FCER1A: variants seen among roughly 807,000 people sequenced by gnomAD.
FCER1A encodes high affinity immunoglobulin epsilon receptor subunit alpha.
In FCER1A, 24 loss-of-function variants were observed where a neutral mutation model predicts 23.6. The ratio of observed to expected loss-of-function variants is 1.02; its 90% CI spans 0.74 to 1.43. The LOEUF is 1.43. FCER1A is among the 40% of genes most tolerant of loss of function. The pLI is 0.00. For synonymous variants in FCER1A, 121 were observed against 108.8 expected, an observed-to-expected ratio of 1.11 and a Z score of -0.70; for missense variants, 318 against 294.5, an observed-to-expected ratio of 1.08 and a Z score of -0.58.
At chr1:159,295,130 A>G (rs1229431662) in intron 1 of FCER1A, among the ~76,000 whole-genome samples, 1 of 152,176 alleles carries the variant, frequency 6.6e-6, no homozygotes, top group Non-Finnish European at 1.5e-5. Flanking sequence ...ATAGACTTCT[A>G]ATTAACTCTT....
At chr1:159,303,410 T>C (rs1652497163) in intron 2 of FCER1A, among the ~76,000 whole-genome samples, 1 of 152,158 alleles carries the variant, frequency 6.6e-6, no homozygotes, top group East Asian at 1.9e-4. Flanking sequence ...CACTACTTTC[T>C]GGAACTGACA....
chr1:159,305,426 G>A (rs1409950332), intron 3 of FCER1A, among the ~76,000 whole-genome samples: 2 of 152,088 alleles, frequency 1.3e-5, no homozygotes, highest in Non-Finnish European at 1.5e-5. Context: ...TACTGTGTTG[G>A]GCATTCAGAA....
chr1:159,304,209 G>T (rs765357176), intron 3 of FCER1A, 27 bp downstream of exon 3: 5 of 1,604,250 alleles, frequency 3.1e-6, no homozygotes, highest in Non-Finnish European at 4.3e-6. Flanking sequence ...TGGAAATACA[G>T]ATCTCTCATG....
chr1:159,303,578 C>G (rs1369703472), intron 2 of FCER1A, among the ~76,000 whole-genome samples: 2 of 152,204 alleles, frequency 1.3e-5, no homozygotes, highest in Non-Finnish European at 2.9e-5. Flanking sequence ...TTGAACATGG[C>G]AGACAGTGTT....
intron 1 of FCER1A, among the ~76,000 whole-genome samples, chr1:159,291,546 G>T (rs1652153681): frequency 6.6e-6 from 1 of 152,148 alleles, no homozygotes; most frequent in Admixed American, 6.6e-5. Context: ...GTTCAAGAAA[G>T]ATTTAAATTG....
chr1:159,307,993 C>A lies in FCER1A; in HGVS notation c.*61C>A. ...TTTTCCAGCATCAGCAATTGCTACT[C>A]AATTGTCAAACACAGCTTGCAATAT... On this transcript the variant is annotated 3_prime_UTR_variant, in exon 5 of 5. Transcript: ENST00000693622. The A allele has an allele frequency of 2.4e-6, 3 of 1,264,306 alleles. No individual in the cohort carries two copies. Among genetic ancestry groups the A allele is most frequent in the South Asian group, 1.4e-5 (1 of 70,604 alleles). 78.3% of individuals were successfully genotyped at this position (1,264,306 alleles called of 1,614,324 possible).
At chr1:159,284,302 C>T in the FCER1A span, among the ~76,000 whole-genome samples, 1 of 152,238 alleles carries the variant, frequency 6.6e-6, no homozygotes, top group Non-Finnish European at 1.5e-5. Flanking sequence ...GGAGAAGACA[C>T]TGTCAGAGCC....
At chr1:159,293,447 G>T (rs1163387609) in intron 1 of FCER1A, among the ~76,000 whole-genome samples, 2 of 151,238 alleles carry the variant, frequency 1.3e-5, no homozygotes. Flanking sequence ...CAATGTGCAG[G>T]TTAGTTACAT....
chr1:159,295,528 A>G (rs2102220756), intron 1 of FCER1A, among the ~76,000 whole-genome samples: 1 of 152,296 alleles, frequency 6.6e-6, no homozygotes, highest in Admixed American at 6.5e-5. Flanking sequence ...AATAAACACT[A>G]TTCTACGGGA....
upstream of FCER1A, among the ~76,000 whole-genome samples, chr1:159,298,702 C>G (rs575352171): frequency 2.0e-5 from 3 of 152,322 alleles, no homozygotes; most frequent in African/African-American, 7.2e-5. Flanking sequence ...ATCCCTCTCT[C>G]CTTTCTTCTT....
upstream of FCER1A, among the ~76,000 whole-genome samples, chr1:159,289,258 A>G (rs1652088405): frequency 6.6e-6 from 1 of 152,192 alleles, no homozygotes; most frequent in South Asian, 2.1e-4. Flanking sequence ...GGCAGGCAAG[A>G]TAGGAGAGTG....
intron 3 of FCER1A, among the ~76,000 whole-genome samples, chr1:159,304,455 A>T (rs1322184555): frequency 1.3e-5 from 2 of 152,010 alleles, no homozygotes; most frequent in Non-Finnish European, 2.9e-5. Context: ...TATATATATA[A>T]AATTAGCCGG....
chr1:159,304,331 G>C, intron 3 of FCER1A, 149 bp downstream of exon 3: 1 of 739,926 alleles, frequency 1.4e-6, no homozygotes, highest in South Asian at 1.9e-5. Context: ...GCTGGGCACA[G>C]TGGCTCACGC....
chr1:159,302,489 C>G (rs773800774), intron 1 of FCER1A, 70 bp downstream of exon 1: 5 of 1,081,712 alleles, frequency 4.6e-6, no homozygotes, highest in African/African-American at 1.5e-5. Context: ...GGGTAGGAAC[C>G]TTTACTGTGG....
intron 1 of FCER1A, among the ~76,000 whole-genome samples, chr1:159,290,020 C>G (rs939856695): frequency 4.6e-5 from 7 of 152,158 alleles, no homozygotes; most frequent in Non-Finnish European, 1.0e-4. Flanking sequence ...ATTCATTGTT[C>G]TTTCTCATTT....
Position 159,302,865 on chromosome 1 carries a change from G to T in FCER1A, c.67G>T (p.Val23Leu), listed in dbSNP as rs142162478. ...VALLFFAPDG[V>L]LAVPQKPKVS... is the part of the protein sequence containing the mutation. ...CTGGACTTTTGCAGCTCCAGATGGC[G>T]TGTTAGCAGGTGAGTCCTCTGTTCT... Residue 23 changes from valine to leucine, a missense_variant, in exon 2 of 5, where the codon GTG becomes TTG. Transcript: ENST00000693622. 1.2e-6 allele frequency: 2 copies of T among 1,613,898 alleles called. No individual in the cohort carries two copies. The highest frequency in any genetic ancestry group is 1.7e-5 in the Admixed American group (1 of 60,026).
intron 4 of FCER1A, among the ~76,000 whole-genome samples, chr1:159,307,356 C>A (rs1253313225): frequency 6.6e-6 from 1 of 152,210 alleles, no homozygotes; most frequent in Non-Finnish European, 1.5e-5. Context: ...GCCTAACAGG[C>A]ATGTAAGAAA....
At chr1:159,304,284 G>T in intron 3 of FCER1A, 102 bp downstream of exon 3, 1 of 1,147,564 alleles carries the variant, frequency 8.7e-7, no homozygotes, top group Non-Finnish European at 1.3e-6. Context: ...CACCAGAGTG[G>T]GATTCAAGGC....
chr1:159,300,586 G>T (rs373373006), upstream of FCER1A, among the ~76,000 whole-genome samples: 1 of 152,118 alleles, frequency 6.6e-6, no homozygotes, highest in Non-Finnish European at 1.5e-5. Context: ...AGAGGATTGA[G>T]ATTGCGTAGA....
Sources: gnomAD v4.1 joint callset for allele counts (sites outside exome capture counted in the v4.1 genomes callset) on GRCh38, gnomAD v4.1.1 for gene constraint, MANE v1.5 for transcripts, NCBI Gene and HGNC (gene_info 2026-07-23, HGNC 2026-07-21) for gene names.